Variants in RAD52 observed in about 807,000 individuals in gnomAD.
RAD52 encodes RAD52 DNA repair protein.
RAD52 carries 47 observed loss-of-function variants against 55.5 expected under a neutral mutation model. The ratio of observed to expected loss-of-function variants is 0.85; its 90% confidence interval spans 0.67 to 1.08. The LOEUF is 1.08. Among genes scored for constraint, RAD52 ranks in the 50% least tolerant of loss-of-function variants. The pLI, the probability that RAD52 is intolerant of heterozygous loss-of-function variation, is 0.00. For missense variants in RAD52, 468 were observed against 522.8 expected, an observed-to-expected ratio of 0.90 and a Z score of 1.02; for synonymous variants, 184 against 198.9, an observed-to-expected ratio of 0.92 and a Z score of 0.63.
chr12:915,709 G>GT lies in RAD52; in HGVS notation c.865+634dup, dbSNP rs955259064. Among the ~76,000 whole-genome samples, 112 of 121,204 alleles carry GT rather than the reference G, an allele frequency of 9.2e-4. 2 individuals are homozygous for GT. The highest frequency in any genetic ancestry group is 6.8e-3 in the East Asian group (27 of 3,968). 79.5% of individuals were successfully genotyped at this position (121,204 alleles called of 152,430 possible). A position where few individuals can be genotyped will look rare whatever the true frequency, so the allele number is the denominator to read the frequency against. ...AAGATATCTCAGAAACACAAGGCTTGTTTTTTTTTTGTTTTGTTTTTGTTT... is the reference window on the plus strand; with the variant it reads ...AAGATATCTCAGAAACACAAGGCTTGTTTTTTTTTTTGTTTTGTTTTTGTTT... On this transcript the variant is annotated intron_variant, in intron 9 of 11. Coordinates refer to ENST00000358495, the MANE Select transcript of RAD52 (RefSeq NM_134424.4).
intron 1 of RAD52, among the ~76,000 whole-genome samples, chr12:972,108 C>T (rs1380049850): frequency 6.6e-6 from 1 of 152,074 alleles, no homozygotes; most frequent in African/African-American, 2.4e-5. Context: ...CTTGAGGCAA[C>T]GCTAACATGC....
chr12:924,242 T>C (rs1458196766), intron 7 of RAD52, among the ~76,000 whole-genome samples: 1 of 151,628 alleles, frequency 6.6e-6, no homozygotes, highest in African/African-American at 2.4e-5. Flanking sequence ...ACCCCGTCTC[T>C]ACTAAAAAAA....
chr12:931,706 TATAA>T (rs1957334094), intron 2 of RAD52, among the ~76,000 whole-genome samples: 1 of 152,212 alleles, frequency 6.6e-6, no homozygotes, highest in Admixed American at 6.5e-5. Context: ...CTACCATCCT[TATAA>T]ATGTTTCTGA....
intron 1 of RAD52, among the ~76,000 whole-genome samples, chr12:946,768 G>A (rs1213428184): frequency 6.6e-6 from 1 of 152,172 alleles, no homozygotes; most frequent in Non-Finnish European, 1.5e-5. Flanking sequence ...CACCTTATTT[G>A]AACATAGCTG....
chr12:920,906 C>G (rs893943480), intron 7 of RAD52, among the ~76,000 whole-genome samples: 1 of 152,152 alleles, frequency 6.6e-6, no homozygotes, highest in Non-Finnish European at 1.5e-5. Flanking sequence ...GGCCACAAAA[C>G]AAGTCCTAAC....
At chr12:970,497 A>G (rs1035664443) in intron 1 of RAD52, among the ~76,000 whole-genome samples, 2 of 152,212 alleles carry the variant, frequency 1.3e-5, no homozygotes, top group African/African-American at 4.8e-5. Context: ...ATAACCAAAA[A>G]TAAGGGAACA....
Position 913,811 on chromosome 12 carries a change from G to T in RAD52, c.1195+83C>A, listed in dbSNP as rs1956217532. On this transcript the variant is annotated intron_variant, in intron 11 of 11. Coordinates refer to ENST00000358495, the MANE Select transcript of RAD52 (RefSeq NM_134424.4). ...TTCCCGATTCTATCAAACTTTAAATGAAATGTCATCCTTCCTCAAAAATTC... is the reference window on the plus strand; with the variant it reads ...TTCCCGATTCTATCAAACTTTAAATTAAATGTCATCCTTCCTCAAAAATTC... The T allele has an allele frequency of 2.4e-6, 3 of 1,276,514 alleles. No homozygotes were observed. In the East Asian group the frequency reaches 7.1e-5, roughly 30 times the overall value. The allele number at this position is 1,276,514 out of a possible 1,614,324, so 79.1% of individuals were successfully genotyped here. A position where few individuals can be genotyped will look rare whatever the true frequency, so the allele number is the denominator to read the frequency against.
At chr12:981,760 C>CAGTA (rs1959018631) in intron 1 of RAD52, among the ~76,000 whole-genome samples, 3 of 25,150 alleles carry the variant, frequency 1.2e-4, no homozygotes, top group Non-Finnish European at 2.9e-4. Context: ...GACTCTGTCT[C>CAGTA]AATAAATAAA....
intron 1 of RAD52, among the ~76,000 whole-genome samples, chr12:987,368 AT>A (rs34499273): frequency 0.68 from 103,186 of 150,810 alleles, 40,206 homozygotes; most frequent in East Asian, 0.98. Flanking sequence ...ACATGGTTGA[AT>A]TTTTTTTTTC....
At chr12:919,676 G>A (rs181426791) in intron 7 of RAD52, among the ~76,000 whole-genome samples, 6,591 of 77,338 alleles carry the variant, frequency 0.085, 578 homozygotes, top group Middle Eastern at 0.19. Flanking sequence ...GCTTGAACCC[G>A]GGAGGCGGAG....
intron 1 of RAD52, among the ~76,000 whole-genome samples, chr12:979,121 A>T (rs1958975538): frequency 6.6e-6 from 1 of 152,020 alleles, no homozygotes; most frequent in African/African-American, 2.4e-5. Context: ...GTATTTGGAG[A>T]AGGGCCTTTA....
intron 1 of RAD52, among the ~76,000 whole-genome samples, chr12:987,246 G>A (rs773780386): frequency 8.5e-5 from 13 of 152,112 alleles, no homozygotes; most frequent in African/African-American, 1.2e-4. Flanking sequence ...TGGGATTACA[G>A]GTGTGAGCCA....
chr12:948,717 TTGGA>T, intron 1 of RAD52, among the ~76,000 whole-genome samples: 1 of 152,232 alleles, frequency 6.6e-6, no homozygotes, highest in African/African-American at 2.4e-5. Context: ...TTTTTTTTTT[TTGGA>T]TGGATTCTCG....
rs978256493 is a variant in RAD52 at position 913,313 on chromosome 12, A to C, written c.*78T>G. ...CAATGACGTTCATTCTCCAGCAGCG[A>C]TGAACAATTTCATGACCAAAAAGTA... On this transcript the variant is annotated 3_prime_UTR_variant, in exon 12 of 12. Transcript: ENST00000358495. 5.6e-6 allele frequency: 6 copies of C among 1,079,630 alleles called. No homozygotes were observed. Among genetic ancestry groups the C allele is most frequent in the Non-Finnish European group, 8.4e-6 (6 of 717,312 alleles). 66.9% of individuals were successfully genotyped at this position (1,079,630 alleles called of 1,614,324 possible).
chr12:954,576 T>C (rs1241256177), upstream of RAD52, among the ~76,000 whole-genome samples: 5 of 152,104 alleles, frequency 3.3e-5, no homozygotes, highest in Admixed American at 6.6e-5. Context: ...GGAGGTTGCA[T>C]TGAGCTGAGA....
intron 1 of RAD52, among the ~76,000 whole-genome samples, chr12:946,856 A>G (rs538178432): frequency 5.5e-4 from 84 of 152,202 alleles, no homozygotes; most frequent in Non-Finnish European, 1.0e-3. Context: ...TTTTTCATAC[A>G]CTCATCTCCA....
chr12:944,440 G>A (rs968796087), intron 1 of RAD52, among the ~76,000 whole-genome samples: 1 of 151,278 alleles, frequency 6.6e-6, no homozygotes, highest in Non-Finnish European at 1.5e-5. Flanking sequence ...TTGAGCGGGG[G>A]CGAGGAAGGG....
At chr12:942,781 A>G (rs1849294750) in intron 1 of RAD52, among the ~76,000 whole-genome samples, 1 of 151,972 alleles carries the variant, frequency 6.6e-6, no homozygotes, top group Non-Finnish European at 1.5e-5. Flanking sequence ...GAAAACATGA[A>G]AGATTATCTT....
At chr12:989,633 T>G (rs1210348794) in intron 1 of RAD52, among the ~76,000 whole-genome samples, 2 of 152,196 alleles carry the variant, frequency 1.3e-5, no homozygotes, top group African/African-American at 4.8e-5. Context: ...CTTAGCAACT[T>G]AATTCTCCAG....
Sources: allele counts gnomAD v4.1 joint callset (sites outside exome capture counted in the v4.1 genomes callset), GRCh38; gene constraint gnomAD v4.1.1; transcripts MANE v1.5; gene names NCBI Gene and HGNC (gene_info 2026-07-23, HGNC 2026-07-21).